Variants in G2E3 observed in about 807,000 individuals in gnomAD.
G2E3 encodes G2/M phase-specific E3 ubiquitin-protein ligase.
G2E3 carries 35 observed loss-of-function variants against 92.8 expected under a neutral mutation model. The observed-to-expected ratio is 0.38, with a 90% CI of 0.29 to 0.50. The LOEUF (loss-of-function observed/expected upper bound fraction) is 0.50. Ranked by LOEUF, G2E3 falls within the 20% of genes least tolerant of loss-of-function variation. The pLI is 0.94. For missense variants in G2E3, 554 were observed against 823.8 expected (o/e 0.67, Z 4.01); for synonymous variants, 242 against 272.4 (o/e 0.89, Z 1.10).
chr14:30,590,036 C>T (rs1009278398), intron 4 of G2E3, among the ~76,000 whole-genome samples: 1 of 152,120 alleles, frequency 6.6e-6, no homozygotes, highest in Non-Finnish European at 1.5e-5. Context: ...TAACTCCTTG[C>T]TCATTCAGTT....
chr14:30,586,660 A>C (rs958787530), intron 2 of G2E3, 58 bp from the exon 3 acceptor site: 2 of 590,504 alleles, frequency 3.4e-6, no homozygotes, highest in African/African-American at 3.9e-5. Context: ...CCAATTCCAT[A>C]GGGTTTTTTT....
intron 11 of G2E3, among the ~76,000 whole-genome samples, chr14:30,606,924 T>G (rs1881857656): frequency 6.6e-6 from 1 of 152,114 alleles, no homozygotes; most frequent in South Asian, 2.1e-4. Flanking sequence ...TGGGAAAGAT[T>G]ATTTAGTGAT....
In G2E3 at chr14:30,612,207, A is replaced by G. The variant is rs780204266; in HGVS notation, c.1501A>G (p.Ile501Val). The change falls in exon 13 of 15, where the codon ATA (isoleucine) becomes GTA (valine). Residue 501 changes from isoleucine (I) to valine (V), a missense_variant and splice_region_variant. Ile to Val is a conservative substitution (Grantham distance 29). Coordinates refer to ENST00000206595, the MANE Select transcript of G2E3 (RefSeq NM_017769.5). ...GGCTGTATTTTCTCCTTCATTACAG[A>G]TAAATACTGCAACAACTGTAGCTGA... ...DFDVAQIIIR[I>V]NTATTVADLK... 1.2e-6 allele frequency: 2 copies of G among 1,604,794 alleles called. No homozygotes were observed. The highest frequency in any genetic ancestry group is 4.5e-5 in the East Asian group (2 of 44,674).
Position 30,598,582 on chromosome 14 carries a change from CTA to C in G2E3, c.738_739del (p.Tyr246Ter). The C allele has an allele frequency of 1.2e-6, 2 of 1,601,620 alleles. No homozygotes were observed. Among genetic ancestry groups the C allele is most frequent in the Non-Finnish European group, 1.7e-6 (2 of 1,168,606 alleles). ...RRCRCKEGRD[Y>X]NAPDSKWEIK... Reference sequence around the variant, plus strand: ...GATGTCGTTGCAAAGAAGGGCGAGACTATAATGCACCTGATAGGTATTTCTGA... The same window carrying C: ...GATGTCGTTGCAAAGAAGGGCGAGACTAATGCACCTGATAGGTATTTCTGA... On this transcript the variant is annotated frameshift_variant, in exon 8 of 15. Coordinates refer to ENST00000206595, the MANE Select transcript of G2E3 (RefSeq NM_017769.5). LOFTEE classifies it high-confidence loss of function.
intron 2 of G2E3, among the ~76,000 whole-genome samples, chr14:30,581,322 A>G (rs896523118): frequency 2.6e-5 from 4 of 152,126 alleles, no homozygotes; most frequent in African/African-American, 9.7e-5. Flanking sequence ...TTTTATGTAT[A>G]TAAGATATGG....
chr14:30,587,600 G>A (rs1297549105), intron 3 of G2E3, among the ~76,000 whole-genome samples: 1 of 152,220 alleles, frequency 6.6e-6, no homozygotes, highest in Non-Finnish European at 1.5e-5. Flanking sequence ...TGAGATGTCA[G>A]ATTACAGCTG....
At chr14:30,611,992 G>A in intron 12 of G2E3, 1 of 425,988 alleles carries the variant, frequency 2.3e-6, no homozygotes, top group Non-Finnish European at 4.2e-6. Context: ...ACGTAGTAAA[G>A]TGGCATTATA....
Position 30,592,460 on chromosome 14 carries a change from A to G in G2E3, c.362+13A>G. Reference sequence around the variant, plus strand: ...CTGGCAATTTTGCGTGAGTTATTTAACTGTTAAATATGAAAGTTCAGTGTT... The same window carrying G: ...CTGGCAATTTTGCGTGAGTTATTTAGCTGTTAAATATGAAAGTTCAGTGTT... On this transcript the variant is annotated intron_variant, in intron 5 of 14. Coordinates refer to ENST00000206595, the MANE Select transcript of G2E3 (RefSeq NM_017769.5). 1.3e-6 allele frequency: 2 copies of G among 1,550,620 alleles called. No individual in the cohort carries two copies. The highest frequency in any genetic ancestry group is 1.7e-6 in the Non-Finnish European group (2 of 1,148,058).
At chr14:30,603,431 G>A (rs1881675277) in intron 10 of G2E3, among the ~76,000 whole-genome samples, 1 of 152,244 alleles carries the variant, frequency 6.6e-6, no homozygotes, top group South Asian at 2.1e-4. Context: ...TTGTTCAGCT[G>A]TAGTTAAGAT....
intron 8 of G2E3, among the ~76,000 whole-genome samples, chr14:30,601,252 T>C (rs945450822): frequency 1.3e-5 from 2 of 152,154 alleles, no homozygotes; most frequent in African/African-American, 4.8e-5. Flanking sequence ...ATACACCACA[T>C]AACACAGTGG....
At chr14:30,611,188 T>C (rs1882071375) in intron 12 of G2E3, 1 of 152,248 alleles carries the variant, frequency 6.6e-6, no homozygotes, top group South Asian at 2.1e-4. Context: ...AACAGTCATG[T>C]AGCCCCACCT....
At chr14:30,595,614 A>G (rs577636217) in intron 6 of G2E3, among the ~76,000 whole-genome samples, 9 of 152,354 alleles carry the variant, frequency 5.9e-5, no homozygotes, top group African/African-American at 1.9e-4. Context: ...TGATGTAAGA[A>G]ATATCACTAA....
At chr14:30,615,178 CT>C (rs1321799083) in intron 13 of G2E3, among the ~76,000 whole-genome samples, 170 bp from the exon 14 acceptor site, 5 of 152,146 alleles carry the variant, frequency 3.3e-5, no homozygotes, top group Non-Finnish European at 5.9e-5. Flanking sequence ...CATATCTTCT[CT>C]TTTTCCTCAC....
chr14:30,581,030 G>T, intron 1 of G2E3, 46 bp from the exon 2 acceptor site: 1 of 1,010,012 alleles, frequency 9.9e-7, no homozygotes, highest in South Asian at 1.3e-5. Flanking sequence ...TTGTTAATTT[G>T]AGACTTTTAC....
chr14:30,599,693 G>A (rs990172233), intron 8 of G2E3, among the ~76,000 whole-genome samples: 1 of 151,928 alleles, frequency 6.6e-6, no homozygotes, highest in Non-Finnish European at 1.5e-5. Flanking sequence ...CTTAAAATTT[G>A]TTGTTAATAA....
chr14:30,587,234 G>A (rs1044331357), intron 3 of G2E3, among the ~76,000 whole-genome samples: 2 of 152,080 alleles, frequency 1.3e-5, no homozygotes, highest in African/African-American at 4.8e-5. Context: ...GAAACGTCTT[G>A]GCTAAAGGTG....
chr14:30,612,367 C>T lies in G2E3; in HGVS notation c.1661C>T (p.Thr554Ile). The T allele has an allele frequency of 6.3e-7, 1 of 1,581,926 alleles. No homozygotes were observed. Among genetic ancestry groups the T allele is most frequent in the Non-Finnish European group, 8.6e-7 (1 of 1,162,022 alleles). Reference sequence around the variant, plus strand: ...TACCATGTAATTCAGAGAGTCCACACACCCTTTGAAAGGTAAGTTGTTTCT... The same window carrying T: ...TACCATGTAATTCAGAGAGTCCACATACCCTTTGAAAGGTAAGTTGTTTCT... ...LGYHVIQRVH[T>I]PFESFKQGLK... The change falls in exon 13 of 15, where the codon ACA becomes ATA. Residue 554 changes from threonine (T) to isoleucine (I), a missense_variant. Thr to Ile is a moderately conservative substitution (Grantham distance 89). Around this residue, in one of 3 missense-constraint regions of G2E3, gnomAD observed 397 missense variants for 560.3 expected, o/e 0.71. Coordinates refer to ENST00000206595, the MANE Select transcript of G2E3 (RefSeq NM_017769.5).
rs1196243557 is a variant in G2E3 at position 30,605,708 on chromosome 14, A to T, written c.1214A>T (p.His405Leu). The stretch of plus-strand genomic sequence containing the variant: ...GAAAATGATAATTTTGGAAGTGAGC[A>T]TCCTGGATCAAAGCAAGAATTTCTG... ...VIENDNFGSE[H>L]PGSKQEFLSL... The change falls in exon 11 of 15, where the codon CAT becomes CTT. Residue 405 changes from histidine to leucine, a missense_variant. By Grantham distance (99) the His-to-Leu change is moderately conservative. Coordinates refer to ENST00000206595, the MANE Select transcript of G2E3 (RefSeq NM_017769.5). The T allele has an allele frequency of 1.2e-6, 2 of 1,606,894 alleles. No homozygotes were observed. Among genetic ancestry groups the T allele is most frequent in the Non-Finnish European group, 1.7e-6 (2 of 1,174,602 alleles).
At chr14:30,589,014 G>A (rs1191736542) in intron 3 of G2E3, among the ~76,000 whole-genome samples, 7 of 151,982 alleles carry the variant, frequency 4.6e-5, no homozygotes, top group Admixed American at 2.0e-4. Context: ...GTCTCCATCT[G>A]TATTCACCAC....
Sources: gnomAD v4.1 joint callset for allele counts (sites outside exome capture counted in the v4.1 genomes callset) on GRCh38, gnomAD v4.1.1 for gene constraint, gnomAD v4.1.1 regional missense constraint, MANE v1.5 for transcripts, NCBI Gene and HGNC (gene_info 2026-07-23, HGNC 2026-07-21) for gene names.